CSMD1: variants seen among roughly 807,000 people sequenced by gnomAD.
The protein encoded by CSMD1 is CUB and sushi domain-containing protein 1.
Under a neutral mutation model 417.5 loss-of-function variants are expected in CSMD1, and 213 were observed. That is an observed-to-expected ratio of 0.51 (90% CI 0.46 to 0.57). CSMD1 has a LOEUF of 0.57. Among genes scored for constraint, CSMD1 ranks in the 20% least tolerant of loss-of-function variants. CSMD1 has a pLI of 0.00. For missense variants in CSMD1, 6,923 were observed against 4,529.7 expected, an observed-to-expected ratio of 1.53 and a Z score of -15.17; for synonymous variants, 2,862 against 1,736.8, an observed-to-expected ratio of 1.65 and a Z score of -16.11.
chr8:4,341,399 T>C (rs1012661009), intron 3 of CSMD1, among the ~76,000 whole-genome samples: 4 of 152,138 alleles, frequency 2.6e-5, no homozygotes, highest in African/African-American at 9.7e-5. Context: ...GAAGAAAGCC[T>C]TGAACTCAAA....
chr8:3,488,461 T>G (rs1818183737), intron 11 of CSMD1, among the ~76,000 whole-genome samples: 1 of 152,218 alleles, frequency 6.6e-6, no homozygotes. Flanking sequence ...TAGATAAATG[T>G]ATCTGGAAGA....
rs544247592 is a variant in CSMD1 at position 2,938,719 on chromosome 8, C to G, written c.10561G>C (p.Gly3521Arg). The change falls in exon 70 of 70, where the codon GGC becomes CGC. Residue 3521 changes from glycine to arginine, a missense_variant. Transcript: ENST00000635120. ...TTGCTGTTTTCATGCCCAGCATAGC[C>G]ATTGTATTGAACTTTTGGTCTCGTT... ...HRTRPKVQYNGYAGHENSNGQ... is the reference protein window; with the variant it reads ...HRTRPKVQYNRYAGHENSNGQ... 9 of 1,610,564 alleles carry G rather than the reference C, an allele frequency of 5.6e-6. No individual in the cohort carries two copies. Among genetic ancestry groups the G allele is most frequent in the Non-Finnish European group, 7.6e-6 (9 of 1,178,228 alleles).
intron 3 of CSMD1, among the ~76,000 whole-genome samples, chr8:4,417,550 G>T (rs988649908): frequency 1.3e-5 from 2 of 152,004 alleles, no homozygotes; most frequent in African/African-American, 2.4e-5. Flanking sequence ...TAATATGAAA[G>T]TTCATTTTAT....
chr8:4,312,436 T>TATATAC (rs1563435289), intron 3 of CSMD1, among the ~76,000 whole-genome samples: 12 of 116,906 alleles, frequency 1.0e-4, no homozygotes, highest in African/African-American at 4.1e-4. Context: ...TATATATATA[T>TATATAC]GCGTATATAT....
chr8:4,088,619 C>A (rs1242804561), intron 3 of CSMD1, among the ~76,000 whole-genome samples: 1 of 152,140 alleles, frequency 6.6e-6, no homozygotes, highest in South Asian at 2.1e-4. Context: ...CCCCTTCCCA[C>A]CCAACCAGGT....
intron 3 of CSMD1, among the ~76,000 whole-genome samples, chr8:4,243,265 C>T (rs907407690): frequency 6.6e-6 from 1 of 152,108 alleles, no homozygotes; most frequent in African/African-American, 2.4e-5. Context: ...TATTTTCTTA[C>T]CTAGTCTCAT....
intron 1 of CSMD1, among the ~76,000 whole-genome samples, chr8:4,655,372 G>A (rs541614330): frequency 1.3e-5 from 2 of 151,986 alleles, no homozygotes; most frequent in African/African-American, 4.8e-5. Flanking sequence ...GCTTCCAGGA[G>A]ACCAAACAAA....
intron 5 of CSMD1, among the ~76,000 whole-genome samples, chr8:3,772,056 G>A (rs528318338): frequency 4.0e-5 from 6 of 151,736 alleles, no homozygotes; most frequent in Admixed American, 2.0e-4. Flanking sequence ...GAGCATCTGA[G>A]TCTGCCATTA....
At chr8:4,312,966 A>T (rs1454880345) in intron 3 of CSMD1, among the ~76,000 whole-genome samples, 1 of 152,198 alleles carries the variant, frequency 6.6e-6, no homozygotes, top group Non-Finnish European at 1.5e-5. Context: ...CCATAATTTG[A>T]CCTGCAAGGT....
At chr8:4,596,665 G>C (rs1422766728) in intron 2 of CSMD1, among the ~76,000 whole-genome samples, 1 of 152,104 alleles carries the variant, frequency 6.6e-6, no homozygotes, top group African/African-American at 2.4e-5. Flanking sequence ...TAGTACGTTT[G>C]CTGTTTGAAC....
chr8:3,203,810 T>C (rs1393119699), intron 31 of CSMD1, among the ~76,000 whole-genome samples: 1 of 152,198 alleles, frequency 6.6e-6, no homozygotes, highest in Non-Finnish European at 1.5e-5. Flanking sequence ...AACTGGGTTA[T>C]CTGAAGACCT....
At chr8:4,711,615 G>A (rs181991076) in intron 1 of CSMD1, among the ~76,000 whole-genome samples, 2 of 152,078 alleles carry the variant, frequency 1.3e-5, no homozygotes, top group Non-Finnish European at 2.9e-5. Flanking sequence ...TAGTCTGTAA[G>A]AGAATTATTT....
chr8:4,739,034 T>C (rs1410999034), intron 1 of CSMD1, among the ~76,000 whole-genome samples: 2 of 152,000 alleles, frequency 1.3e-5, no homozygotes, highest in African/African-American at 4.8e-5. Flanking sequence ...TAAAGGAATG[T>C]AGTGTGAGTA....
intron 26 of CSMD1, among the ~76,000 whole-genome samples, chr8:3,274,369 A>C (rs563595569): frequency 1.2e-3 from 185 of 152,254 alleles, no homozygotes; most frequent in African/African-American, 3.9e-3. Context: ...ATTTTGGAGT[A>C]GGTGTGGTGT....
At chr8:2,992,686 A>T (rs1407667132) in intron 54 of CSMD1, among the ~76,000 whole-genome samples, 1 of 151,782 alleles carries the variant, frequency 6.6e-6, no homozygotes, top group Admixed American at 6.6e-5. Context: ...CAGCCTCCCA[A>T]AGTGCTGTGA....
At chr8:3,530,744 G>C (rs1252276152) in intron 10 of CSMD1, among the ~76,000 whole-genome samples, 3 of 151,630 alleles carry the variant, frequency 2.0e-5, no homozygotes, top group Non-Finnish European at 4.4e-5. Context: ...GGCCAGGCTG[G>C]TCTCAAATTC....
intron 2 of CSMD1, among the ~76,000 whole-genome samples, chr8:4,454,752 G>A (rs577254857): frequency 6.6e-6 from 1 of 152,134 alleles, no homozygotes; most frequent in South Asian, 2.1e-4. Context: ...GTTTAGAAAG[G>A]AAGAATGTCT....
chr8:3,989,178 C>G (rs116860776), intron 5 of CSMD1, among the ~76,000 whole-genome samples: 196 of 152,302 alleles, frequency 1.3e-3, no homozygotes, highest in Admixed American at 2.7e-3. Flanking sequence ...CTCATTTGCT[C>G]TAGTTAGCAG....
At chr8:3,598,750 C>T (rs758110698) in intron 8 of CSMD1, among the ~76,000 whole-genome samples, 11 of 152,108 alleles carry the variant, frequency 7.2e-5, no homozygotes, top group African/African-American at 1.2e-4. Context: ...AATTTCCCCC[C>T]GCCCCTTCTT....
Sources: gnomAD v4.1 joint callset for allele counts (sites outside exome capture counted in the v4.1 genomes callset) on GRCh38, gnomAD v4.1.1 for gene constraint, MANE v1.5 for transcripts, NCBI Gene and HGNC (gene_info 2026-07-23, HGNC 2026-07-21) for gene names.